PRDM1: variants seen among roughly 807,000 people sequenced by gnomAD.
The protein encoded by PRDM1 is PR/SET domain 1.
PRDM1 carries 13 observed loss-of-function variants against 62.8 expected under a neutral mutation model. The observed-to-expected ratio is 0.21, with a 90% CI of 0.13 to 0.33. The LOEUF (loss-of-function observed/expected upper bound fraction) is 0.33. PRDM1 is among the 10% of genes least tolerant of loss of function. The pLI, the probability that PRDM1 is intolerant of heterozygous loss-of-function variation, is 1.00. For synonymous variants in PRDM1, 396 were observed against 417.6 expected (o/e 0.95, Z 0.63); for missense variants, 895 against 1,058.8 (o/e 0.85, Z 2.15).
At chr6:106,015,964 G>A (rs976762209) in intron 1 of PRDM1, among the ~76,000 whole-genome samples, 1 of 152,036 alleles carries the variant, frequency 6.6e-6, no homozygotes, top group African/African-American at 2.4e-5. Context: ...CCAAATAAAA[G>A]CTCTACTGAT....
At chr6:106,008,198 C>T (rs1772504836) in intron 1 of PRDM1, among the ~76,000 whole-genome samples, 1 of 152,070 alleles carries the variant, frequency 6.6e-6, no homozygotes, top group Non-Finnish European at 1.5e-5. Flanking sequence ...TGGTGAAACT[C>T]CATCTCTACT....
intron 1 of PRDM1, 115 bp from the exon 2 acceptor site, chr6:106,088,086 G>T: frequency 7.6e-7 from 1 of 1,313,064 alleles, no homozygotes; most frequent in Non-Finnish European, 1.0e-6. Flanking sequence ...ACTGTACCAA[G>T]CACTCTGCAT....
intron 3 of PRDM1, chr6:106,099,044 T>G: frequency 6.2e-7 from 1 of 1,613,448 alleles, no homozygotes; most frequent in South Asian, 1.1e-5. Context: ...GTGTTTCATT[T>G]TTCTGTTATT....
At chr6:106,030,044 T>C (rs1772821462) in intron 1 of PRDM1, among the ~76,000 whole-genome samples, 1 of 152,208 alleles carries the variant, frequency 6.6e-6, no homozygotes, top group Admixed American at 6.5e-5. Context: ...ATTTAGAAAA[T>C]TGGTTTATGT....
At chr6:106,044,806 T>C (rs1028519992), upstream of PRDM1, among the ~76,000 whole-genome samples, 3 of 152,194 alleles carry the variant, frequency 2.0e-5, no homozygotes, top group Non-Finnish European at 4.4e-5. Flanking sequence ...AAAGTTTCAC[T>C]CTGATTTCCA....
At chr6:106,013,674 A>C (rs1166750996) in intron 1 of PRDM1, among the ~76,000 whole-genome samples, 1 of 152,074 alleles carries the variant, frequency 6.6e-6, no homozygotes. Flanking sequence ...CATTTTCACC[A>C]AGAGCCAATA....
intron 1 of PRDM1, among the ~76,000 whole-genome samples, chr6:106,023,475 A>T (rs1311994894): frequency 1.9e-3 from 3 of 1,574 alleles, no homozygotes; most frequent in Non-Finnish European, 3.7e-3. Flanking sequence ...CTCTGTCTCA[A>T]AAAAAAAAAA....
At chr6:105,996,844 C>G (rs1772354465) in intron 1 of PRDM1, among the ~76,000 whole-genome samples, 1 of 152,188 alleles carries the variant, frequency 6.6e-6, no homozygotes, top group Non-Finnish European at 1.5e-5. Context: ...GTTTCTGACA[C>G]AAATTAAATG....
chr6:106,027,405 A>G (rs1352641383), intron 1 of PRDM1, among the ~76,000 whole-genome samples: 2 of 152,232 alleles, frequency 1.3e-5, no homozygotes, highest in Non-Finnish European at 2.9e-5. Flanking sequence ...GCATTAATTA[A>G]GACTGTAAAT....
At chr6:106,075,228 C>T (rs1175422666) in intron 1 of PRDM1, among the ~76,000 whole-genome samples, 3 of 151,790 alleles carry the variant, frequency 2.0e-5, no homozygotes, top group Non-Finnish European at 4.4e-5. Flanking sequence ...TGAATTGAGC[C>T]GTATTTAAAG....
At chr6:106,085,277 T>A (rs529136558), upstream of PRDM1, among the ~76,000 whole-genome samples, 40 of 152,244 alleles carry the variant, frequency 2.6e-4, no homozygotes, top group Non-Finnish European at 3.4e-4. Context: ...GAAATGATTT[T>A]AAAAAAACCT....
chr6:106,073,756 G>A (rs1260101966), intron 1 of PRDM1, among the ~76,000 whole-genome samples: 1 of 152,182 alleles, frequency 6.6e-6, no homozygotes, highest in Non-Finnish European at 1.5e-5. Flanking sequence ...GAGGAGGGAG[G>A]CCTGGCTATA....
At chr6:106,001,637 A>G (rs1772425830) in intron 1 of PRDM1, among the ~76,000 whole-genome samples, 1 of 152,134 alleles carries the variant, frequency 6.6e-6, no homozygotes, top group South Asian at 2.1e-4. Flanking sequence ...TCTATCATGT[A>G]TCAGTTTTAT....
intron 1 of PRDM1, among the ~76,000 whole-genome samples, chr6:106,011,705 G>A (rs1037162275): frequency 3.3e-5 from 5 of 151,964 alleles, no homozygotes; most frequent in South Asian, 2.1e-4. Context: ...TTGCCAAAGC[G>A]GGTGGCTTGG....
intron 1 of PRDM1, among the ~76,000 whole-genome samples, chr6:106,032,462 AAG>A (rs1416189773): frequency 1.3e-5 from 2 of 152,010 alleles, no homozygotes; most frequent in African/African-American, 2.4e-5. Flanking sequence ...TGTTGGAGAC[AAG>A]AGTCTTCTCT....
Position 106,105,555 on chromosome 6 carries a change from TCTCCCGAGCTCG to T in PRDM1, c.1398_1409del (p.Ser469_Ser472del), listed in dbSNP as rs760352037. The T allele has an allele frequency of 1.3e-5, 21 of 1,612,318 alleles. No homozygotes were observed. Among genetic ancestry groups the T allele is most frequent in the Admixed American group, 1.7e-5 (1 of 59,944 alleles). ...CCCACCCCATGCTCAACCCCACTTCTCTCCCGAGCTCGCTGCCCTCAGATGGAGCCCGGAGGT... is the reference window on the plus strand; with the variant it reads ...CCCACCCCATGCTCAACCCCACTTCTCTGCCCTCAGATGGAGCCCGGAGGT... On this transcript the variant is annotated inframe_deletion, in exon 5 of 7. Coordinates refer to ENST00000369096, the MANE Select transcript of PRDM1 (RefSeq NM_001198.4).
chr6:106,013,701 A>G (rs1373280605), intron 1 of PRDM1, among the ~76,000 whole-genome samples: 4 of 152,142 alleles, frequency 2.6e-5, no homozygotes, highest in Admixed American at 1.3e-4. Flanking sequence ...AGTGCTGCCA[A>G]GAGTTCCTGA....
At chr6:106,017,137 TG>T (rs1470784005) in intron 1 of PRDM1, among the ~76,000 whole-genome samples, 8 of 152,202 alleles carry the variant, frequency 5.3e-5, no homozygotes, top group African/African-American at 1.7e-4. Context: ...CTTATGTTAT[TG>T]GTTCTGGTCA....
At chr6:106,008,235 T>G (rs2114547796) in intron 1 of PRDM1, among the ~76,000 whole-genome samples, 1 of 152,130 alleles carries the variant, frequency 6.6e-6, no homozygotes, top group African/African-American at 2.4e-5. Flanking sequence ...TAGCTGGGCG[T>G]GGTGGCGCGC....
Sources: gnomAD v4.1 joint callset for allele counts (sites outside exome capture counted in the v4.1 genomes callset) on GRCh38, gnomAD v4.1.1 for gene constraint, MANE v1.5 for transcripts, NCBI Gene and HGNC (gene_info 2026-07-23, HGNC 2026-07-21) for gene names.